The following DENND2B variants were observed in gnomAD, a reference collection of about 807,000 sequenced individuals.
DENND2B encodes DENN domain-containing protein 2B.
A neutral mutation model predicts 116.0 loss-of-function variants in DENND2B; 32 were observed. The ratio of observed to expected loss-of-function variants is 0.28; its 90% CI spans 0.21 to 0.37. DENND2B has a LOEUF of 0.37. DENND2B is among the 10% of genes least tolerant of loss of function. The pLI is 1.00. For missense variants in DENND2B, 1,276 were observed against 1,477.7 expected (o/e 0.86, Z 2.24); for synonymous variants, 588 against 583.9 (o/e 1.01, Z -0.10).
intron 1 of DENND2B, among the ~76,000 whole-genome samples, chr11:8,762,643 C>G (rs2054883583): frequency 6.6e-6 from 1 of 152,172 alleles, no homozygotes; most frequent in Non-Finnish European, 1.5e-5. Flanking sequence ...GGTGGATCAC[C>G]TGAGGTCGGG....
chr11:8,788,506 G>A (rs976633321), intron 1 of DENND2B, among the ~76,000 whole-genome samples: 3 of 152,098 alleles, frequency 2.0e-5, no homozygotes, highest in East Asian at 1.9e-4. Context: ...GCTTTCAACC[G>A]ATTCCACAGT....
intron 16 of DENND2B, 31 bp downstream of exon 16, chr11:8,698,902 G>C: frequency 6.2e-7 from 1 of 1,613,850 alleles, no homozygotes; most frequent in Non-Finnish European, 8.5e-7. Context: ...GTGCTCAGGA[G>C]CCCAACTCTA....
rs899965754 is a variant in DENND2B, at chr11:8,741,269, C to T, written c.80+9352G>A. Among the ~76,000 whole-genome samples the T allele has an allele frequency of 5.9e-5, 9 of 152,334 alleles. No homozygotes were observed. In the South Asian group the frequency reaches 8.3e-4, roughly 14 times the overall value. On this transcript the variant is annotated intron_variant, in intron 2 of 19. Transcript: ENST00000313726. ...CATCTAAGAATCTATGGAAGCCACA[C>T]CTGTCTGCCCCCAAGCTGATTTCTA... is the stretch of plus-strand genomic sequence containing the variant.
chr11:8,708,410 G>A (rs768270521), intron 11 of DENND2B: 28 of 862,468 alleles, frequency 3.2e-5, no homozygotes, highest in Non-Finnish European at 3.9e-5. Context: ...TCCTGGGCTT[G>A]GGACTTTACA....
At chr11:8,860,788 T>C (rs1383505129) in intron 2 of DENND2B, among the ~76,000 whole-genome samples, 1 of 152,114 alleles carries the variant, frequency 6.6e-6, no homozygotes, top group Non-Finnish European at 1.5e-5. Flanking sequence ...ACCTGACTTA[T>C]ACTGCAAGGC....
intron 3 of DENND2B, among the ~76,000 whole-genome samples, chr11:8,853,259 A>C (rs1048912025): frequency 6.6e-6 from 1 of 152,186 alleles, no homozygotes; most frequent in Non-Finnish European, 1.5e-5. Flanking sequence ...GCTACTCGGG[A>C]GGCTGAGGCA....
At chr11:8,714,738 C>T (rs754155387) in intron 6 of DENND2B, 32 bp from the exon 7 acceptor site, 10 of 1,580,742 alleles carry the variant, frequency 6.3e-6, no homozygotes, top group Non-Finnish European at 8.7e-6. Flanking sequence ...GGTGAGGTAA[C>T]CTTAACACCA....
chr11:8,745,761 A>G (rs1426576010), intron 2 of DENND2B, among the ~76,000 whole-genome samples: 1 of 152,206 alleles, frequency 6.6e-6, no homozygotes, highest in Non-Finnish European at 1.5e-5. Context: ...ATATCATGCT[A>G]TGAAGGCATG....
intron 1 of DENND2B, among the ~76,000 whole-genome samples, chr11:8,799,111 T>A (rs1323045457): frequency 6.6e-6 from 1 of 152,200 alleles, no homozygotes; most frequent in Admixed American, 6.5e-5. Context: ...CCTGAGCCAT[T>A]GCACCCTGCC....
intron 1 of DENND2B, among the ~76,000 whole-genome samples, chr11:8,790,064 A>C (rs1180986036): frequency 6.6e-6 from 1 of 152,062 alleles, no homozygotes; most frequent in Non-Finnish European, 1.5e-5. Context: ...AAGGACAACA[A>C]ACACGACCAA....
At chr11:8,772,868 T>C (rs375488768) in intron 1 of DENND2B, among the ~76,000 whole-genome samples, 3 of 152,086 alleles carry the variant, frequency 2.0e-5, no homozygotes, top group Non-Finnish European at 2.9e-5. Flanking sequence ...ACTCCTTGGG[T>C]ATGCTTACAG....
At chr11:8,811,316 C>T, upstream of DENND2B, 1 of 398,578 alleles carries the variant, frequency 2.5e-6, no homozygotes, top group Non-Finnish European at 4.4e-6. Flanking sequence ...GTGGTGGCGC[C>T]TAAGCAGTCT....
intron 2 of DENND2B, among the ~76,000 whole-genome samples, chr11:8,738,773 T>C (rs565861472): frequency 6.6e-6 from 1 of 152,336 alleles, no homozygotes; most frequent in South Asian, 2.1e-4. Flanking sequence ...ACTGGCATTG[T>C]TGATGAGGAC....
At chr11:8,850,778 G>A (rs1261599198) in intron 3 of DENND2B, among the ~76,000 whole-genome samples, 1 of 152,124 alleles carries the variant, frequency 6.6e-6, no homozygotes, top group Non-Finnish European at 1.5e-5. Context: ...CAACCTGAGT[G>A]TCTATCAACA....
rs905001195 is a variant in DENND2B, at chr11:8,712,894, A to G, written c.1988-159T>C. Among the ~76,000 whole-genome samples the G allele has an allele frequency of 1.3e-5, 2 of 152,152 alleles. No homozygotes were observed. The highest frequency in any genetic ancestry group is 2.9e-5 in the Non-Finnish European group (2 of 68,012). On this transcript the variant is annotated intron_variant, in intron 8 of 19. Coordinates refer to ENST00000313726, the MANE Select transcript of DENND2B (RefSeq NM_213618.2). This position sits in a 1 kb window ranked among gnomAD's most constrained non-coding sequence, Gnocchi z 4.4. ...CAGTGCAGGAGGACCGGCAGGCACA[A>G]GGTGCTGACCCCTGCACAAAGACTC...
rs1037428624 is a variant in DENND2B, at chr11:8,858,415, A to T, written c.-249-979T>A. ...AGAGTGACTCGGAGCAGTTTTACAT[A>T]GGATGGGCAGAGAAGGCCTCCCTGA... On this transcript the variant is annotated intron_variant, in intron 2 of 6. Coordinates refer to the DENND2B transcript ENST00000524757. Among the ~76,000 whole-genome samples the T allele has an allele frequency of 3.9e-5, 6 of 152,246 alleles. No individual in the cohort carries two copies. The East Asian group carries it at 9.7e-4, about 25-fold the overall frequency.
intron 14 of DENND2B, 65 bp from the exon 15 acceptor site, chr11:8,699,455 G>C (rs2041092881): frequency 6.8e-7 from 1 of 1,479,096 alleles, no homozygotes; most frequent in South Asian, 1.3e-5. Context: ...CTCGCTGGAG[G>C]CTCAGGACAG....
chr11:8,705,092 G>A (rs1376215914), intron 13 of DENND2B, among the ~76,000 whole-genome samples: 2 of 151,922 alleles, frequency 1.3e-5, no homozygotes, highest in Non-Finnish European at 2.9e-5. Context: ...TAAACACCAA[G>A]CCCTCCATGG....
At chr11:8,714,082 A>G (rs766711269) in intron 7 of DENND2B, 40 bp from the exon 8 acceptor site, 148 of 1,609,980 alleles carry the variant, frequency 9.2e-5, no homozygotes, top group Middle Eastern at 3.3e-4. Context: ...GCTGGACCTC[A>G]CAGCCAATGT....
Sources: gnomAD v4.1 joint callset for allele counts (sites outside exome capture counted in the v4.1 genomes callset) on GRCh38, gnomAD v4.1.1 for gene constraint, Gnocchi (gnomAD v3.1) non-coding constraint, MANE v1.5 for transcripts, NCBI Gene and HGNC (gene_info 2026-07-23, HGNC 2026-07-21) for gene names.